Variants in DNAJC1 observed in about 807,000 individuals in gnomAD.
DNAJC1 encodes the protein dnaJ homolog subfamily C member 1.
Under a neutral mutation model 76.6 loss-of-function variants are expected in DNAJC1, and 58 were observed. That is an observed-to-expected ratio of 0.76 (90% CI 0.61 to 0.94). The LOEUF is 0.94. Ranked by LOEUF, DNAJC1 falls within the 40% of genes least tolerant of loss-of-function variation. The probability of loss-of-function intolerance (pLI) is 0.00; values close to 1 mark genes in which losing one functional copy is unlikely to be tolerated. For synonymous variants in DNAJC1, 258 were observed against 267.9 expected, an observed-to-expected ratio of 0.96 and a Z score of 0.36; for missense variants, 689 against 677.3, an observed-to-expected ratio of 1.02 and a Z score of -0.19.
At chr10:21,895,082 C>T (rs1331018898) in intron 7 of DNAJC1, among the ~76,000 whole-genome samples, 3 of 152,076 alleles carry the variant, frequency 2.0e-5, no homozygotes, top group Non-Finnish European at 2.9e-5. Context: ...TAGTGAGAAC[C>T]GATGGTGCTA....
intron 11 of DNAJC1, among the ~76,000 whole-genome samples, chr10:21,758,356 A>C (rs918890190): frequency 1.3e-5 from 2 of 152,198 alleles, no homozygotes; most frequent in African/African-American, 4.8e-5. Flanking sequence ...GCCTCAAGAG[A>C]CACTGTGTTA....
chr10:21,961,974 G>A (rs1462890876), intron 1 of DNAJC1, among the ~76,000 whole-genome samples: 1 of 151,928 alleles, frequency 6.6e-6, no homozygotes, highest in African/African-American at 2.4e-5. Context: ...GCCTGAAATG[G>A]TCCTCCCCCT....
intron 8 of DNAJC1, among the ~76,000 whole-genome samples, chr10:21,862,572 G>T (rs533836820): frequency 6.6e-6 from 1 of 151,846 alleles, no homozygotes; most frequent in South Asian, 2.1e-4. Flanking sequence ...GAGATTACAG[G>T]TGCATGCCCC....
At chr10:21,939,044 C>T (rs1478059203) in intron 1 of DNAJC1, among the ~76,000 whole-genome samples, 1 of 152,168 alleles carries the variant, frequency 6.6e-6, no homozygotes, top group Non-Finnish European at 1.5e-5. Context: ...GCACGTGCCA[C>T]CACGCCCAGC....
chr10:21,901,399 T>C (rs894169719), intron 7 of DNAJC1, among the ~76,000 whole-genome samples: 1 of 152,172 alleles, frequency 6.6e-6, no homozygotes, highest in Non-Finnish European at 1.5e-5. Flanking sequence ...TTTATTAATT[T>C]AGAATAAAAC....
chr10:21,816,836 C>T (rs1188849951), intron 8 of DNAJC1, among the ~76,000 whole-genome samples: 5 of 139,498 alleles, frequency 3.6e-5, no homozygotes, highest in African/African-American at 5.3e-5. Flanking sequence ...TAAGCCACCA[C>T]GCCCGGCCGA....
intron 9 of DNAJC1, among the ~76,000 whole-genome samples, chr10:21,772,211 G>C (rs1834388070): frequency 2.0e-5 from 3 of 149,364 alleles, no homozygotes; most frequent in Admixed American, 1.3e-4. Context: ...TGATGTCTTT[G>C]GTTTTGCATC....
chr10:21,829,981 T>C (rs1034378247), intron 8 of DNAJC1, among the ~76,000 whole-genome samples: 5 of 152,236 alleles, frequency 3.3e-5, no homozygotes, highest in East Asian at 1.9e-4. Context: ...AAACAATCAC[T>C]AACAAATCTA....
chr10:21,757,162 T>C (rs1245326832), intron 11 of DNAJC1, among the ~76,000 whole-genome samples: 2 of 152,244 alleles, frequency 1.3e-5, no homozygotes, highest in Non-Finnish European at 2.9e-5. Context: ...TGGCTTTCCC[T>C]AGGCGCTGCT....
chr10:21,891,330 T>C (rs578058700), intron 7 of DNAJC1, among the ~76,000 whole-genome samples: 2 of 150,504 alleles, frequency 1.3e-5, no homozygotes, highest in Non-Finnish European at 3.0e-5. Context: ...AAGAACCAAA[T>C]GGAAATGTCA....
At chr10:21,877,651 A>G (rs1031260760) in intron 8 of DNAJC1, among the ~76,000 whole-genome samples, 2 of 152,242 alleles carry the variant, frequency 1.3e-5, no homozygotes, top group African/African-American at 4.8e-5. Flanking sequence ...TGGATAAAAT[A>G]TAAAAGACTT....
intron 9 of DNAJC1, among the ~76,000 whole-genome samples, chr10:21,786,985 T>A (rs571300168): frequency 5.3e-5 from 8 of 152,288 alleles, no homozygotes; most frequent in Admixed American, 3.9e-4. Flanking sequence ...TTTAGTTTAA[T>A]GGGATATATT....
At chr10:21,915,242 TC>T (rs1455422280) in intron 6 of DNAJC1, among the ~76,000 whole-genome samples, 4 of 152,228 alleles carry the variant, frequency 2.6e-5, no homozygotes, top group Non-Finnish European at 5.9e-5. Context: ...TTCTTAGGGC[TC>T]TTAGATGCTA....
intron 8 of DNAJC1, among the ~76,000 whole-genome samples, chr10:21,838,707 C>A (rs1474925723): frequency 6.6e-6 from 1 of 152,146 alleles, no homozygotes; most frequent in Non-Finnish European, 1.5e-5. Flanking sequence ...AGAAAGTTAA[C>A]AAGGATACCC....
intron 8 of DNAJC1, among the ~76,000 whole-genome samples, chr10:21,857,634 T>C (rs1249089010): frequency 6.6e-6 from 1 of 152,186 alleles, no homozygotes; most frequent in Non-Finnish European, 1.5e-5. Flanking sequence ...TGTGTGTATA[T>C]GTATCCATAC....
intron 8 of DNAJC1, among the ~76,000 whole-genome samples, chr10:21,860,411 G>A (rs1343700965): frequency 5.9e-5 from 9 of 152,076 alleles, no homozygotes; most frequent in Non-Finnish European, 1.2e-4. Context: ...CTAGAATTCA[G>A]GATGGACGCG....
chr10:21,833,543 G>T (rs79096730), intron 8 of DNAJC1, among the ~76,000 whole-genome samples: 1 of 152,106 alleles, frequency 6.6e-6, no homozygotes, highest in Non-Finnish European at 1.5e-5. Flanking sequence ...TGTGAATCAC[G>T]GCTATGTCAT....
At chr10:21,775,057 T>G (rs901938309) in intron 9 of DNAJC1, among the ~76,000 whole-genome samples, 2 of 152,206 alleles carry the variant, frequency 1.3e-5, no homozygotes, top group African/African-American at 4.8e-5. Context: ...TCTATCACAA[T>G]TTAGCTTATC....
At chr10:21,947,811 T>C (rs984717452) in intron 1 of DNAJC1, among the ~76,000 whole-genome samples, 1 of 152,244 alleles carries the variant, frequency 6.6e-6, no homozygotes, top group African/African-American at 2.4e-5. Context: ...TAGCTGCTTA[T>C]TATTTCCTGA....
Sources: allele counts gnomAD v4.1 joint callset (sites outside exome capture counted in the v4.1 genomes callset), GRCh38; gene constraint gnomAD v4.1.1; transcripts MANE v1.5; gene names NCBI Gene and HGNC (gene_info 2026-07-23, HGNC 2026-07-21).